Variants in MYO9B observed in about 807,000 individuals in gnomAD.
MYO9B encodes unconventional myosin-IXb.
A neutral mutation model predicts 229.5 loss-of-function variants in MYO9B; 71 were observed. That is an observed-to-expected ratio of 0.31 (90% CI 0.26 to 0.38). The LOEUF is 0.38. MYO9B is among the 10% of genes least tolerant of loss of function. MYO9B has a pLI of 1.00. For missense variants in MYO9B, 2,255 were observed against 2,920.5 expected, an observed-to-expected ratio of 0.77 and a Z score of 5.25; for synonymous variants, 1,185 against 1,235.8, an observed-to-expected ratio of 0.96 and a Z score of 0.86.
In MYO9B at chr19:17,186,003, T is replaced by C; in HGVS notation, c.2577+2T>C. 6.2e-7 allele frequency: 1 copy of C among 1,613,182 alleles called. No homozygotes were observed. The highest frequency in any genetic ancestry group is 1.3e-5 in the African/African-American group (1 of 74,944). ...TGCATCCGTTCCAATGCTGAAAAGG[T>C]GAGTTTCTCTAAGGTGTTTGGGAGG... On this transcript the variant is annotated splice_donor_variant, in intron 18 of 39. Coordinates refer to ENST00000682292, the MANE Select transcript of MYO9B (RefSeq NM_004145.4). LOFTEE classifies it high-confidence loss of function.
chr19:17,103,118 A>G (rs1157402360), intron 2 of MYO9B: 2 of 151,850 alleles, frequency 1.3e-5, no homozygotes, highest in Non-Finnish European at 2.9e-5. Flanking sequence ...GCTATTGGAG[A>G]GGCTAAGGCG....
intron 1 of MYO9B, among the ~76,000 whole-genome samples, chr19:17,096,316 A>G (rs1477791353): frequency 6.6e-6 from 1 of 152,138 alleles, no homozygotes; most frequent in East Asian, 1.9e-4. Context: ...GGGGAATTGC[A>G]GGGTCACGTG....
chr19:17,199,871 G>GTT (rs1243083069), intron 24 of MYO9B, among the ~76,000 whole-genome samples: 165 of 138,692 alleles, frequency 1.2e-3, no homozygotes, highest in African/African-American at 4.1e-3. Flanking sequence ...TTTGTTTTTT[G>GTT]TTTTTTTTTT....
At position 17,184,938 on chromosome 19, in the gene MYO9B, T is replaced by C. The variant is rs769040830; in HGVS notation, c.2447T>C (p.Leu816Pro). 1.2e-6 allele frequency: 2 copies of C among 1,613,946 alleles called. No individual in the cohort carries two copies. Among genetic ancestry groups the C allele is most frequent in the Non-Finnish European group, 1.7e-6 (2 of 1,179,860 alleles). The change falls in exon 17 of 40, where the codon CTG becomes CCG. Residue 816 changes from leucine (L) to proline (P), a missense_variant. Leu to Pro is a moderately conservative substitution (Grantham distance 98). Transcript: ENST00000682292. ...TLHDRTTKSLLHLHKKKKPPS... is the reference protein window; with the variant it reads ...TLHDRTTKSLPHLHKKKKPPS... ...CACGACCGCACCACCAAGTCCCTAC[T>C]GCACCTGCACAAGAAGAAAAAGCCA... is the stretch of plus-strand genomic sequence containing the variant.
In MYO9B at chr19:17,183,845, AAAC is replaced by A; in HGVS notation, c.2353_2355del (p.Gln785del). On this transcript the variant is annotated inframe_deletion, in exon 16 of 40. Coordinates refer to ENST00000682292, the MANE Select transcript of MYO9B (RefSeq NM_004145.4). ...TTTTGACAGGAAAAGTAAAGGTATCAAACAAAAGCAGATCATTCCAAAGGTAAA... is the reference window on the plus strand; with the variant it reads ...TTTTGACAGGAAAAGTAAAGGTATCAAAAAGCAGATCATTCCAAAGGTAAA... 1 of 1,574,632 alleles carries A rather than the reference AAAC, an allele frequency of 6.4e-7. No homozygotes were observed. The highest frequency in any genetic ancestry group is 8.6e-7 in the Non-Finnish European group (1 of 1,163,154).
chr19:17,181,081 C>T (rs545566786), intron 15 of MYO9B, 41 bp downstream of exon 15: 29 of 1,421,170 alleles, frequency 2.0e-5, no homozygotes, highest in African/African-American at 7.1e-5. Flanking sequence ...GTGCGACAAC[C>T]GCCTCCCACT....
intron 2 of MYO9B, among the ~76,000 whole-genome samples, chr19:17,137,786 G>A (rs553918208): frequency 6.6e-6 from 1 of 151,730 alleles, no homozygotes; most frequent in Admixed American, 6.6e-5. Context: ...CTCTGTCGCC[G>A]AGGCTGGAGT....
At position 17,183,860 on chromosome 19, in the gene MYO9B, A is replaced by G; in HGVS notation, c.2365A>G (p.Ile789Val). The change falls in exon 16 of 40, where the codon ATT (isoleucine) becomes GTT (valine). Residue 789 changes from isoleucine (I) to valine (V), a missense_variant. Physicochemically the swap from Ile to Val is conservative, Grantham distance 29 (BLOSUM62 3). This residue lies in a region of MYO9B where 155 missense variants were observed against 159.1 expected (regional missense o/e 0.97). Transcript: ENST00000682292. ...KSKGIKQKQI[I>V]PKNLLDSKSL... The stretch of plus-strand genomic sequence containing the variant: ...TAAAGGTATCAAACAAAAGCAGATC[A>G]TTCCAAAGGTAAAAAAAAAAACACA... 1 of 1,576,012 alleles carries G rather than the reference A, an allele frequency of 6.3e-7. No homozygotes were observed.
intron 2 of MYO9B, 96 bp from the exon 3 acceptor site, chr19:17,145,301 A>G: frequency 8.8e-7 from 1 of 1,133,542 alleles, no homozygotes; most frequent in East Asian, 2.4e-5. Context: ...AAATTGAACA[A>G]TACAAAATAT....
intron 4 of MYO9B, among the ~76,000 whole-genome samples, chr19:17,153,435 C>T (rs1280594980): frequency 6.6e-6 from 1 of 151,028 alleles, no homozygotes; most frequent in African/African-American, 2.4e-5. Flanking sequence ...ACCTGTAATC[C>T]CAGCACTTTG....
In MYO9B at chr19:17,206,795, C is replaced by A; in HGVS notation, c.5492+11C>A. On this transcript the variant is annotated intron_variant, in intron 34 of 39. Transcript: ENST00000682292. ...CTTCCACCTTGTCAAGCAAGTGCCT[C>A]CCCACCTGCCCTCTGTGGGGTTAGG... 1 of 1,557,616 alleles carries A rather than the reference C, an allele frequency of 6.4e-7. No homozygotes were observed.
rs1426275981 is a variant in MYO9B, at chr19:17,101,821, G to A, written c.104G>A (p.Arg35His). 11 of 1,608,904 alleles carry A rather than the reference G, an allele frequency of 6.8e-6. No homozygotes were observed. The highest frequency in any genetic ancestry group is 1.7e-4 in the Middle Eastern group (1 of 6,058). Reference sequence around the variant, plus strand: ...ACCACCGAGAGCCAGGCCTCGTGCCGCGTGACTGCCACCAAGGACAGCACC... The same window carrying A: ...ACCACCGAGAGCCAGGCCTCGTGCCACGTGACTGCCACCAAGGACAGCACC... ...LSTTESQASC[R>H]VTATKDSTTS... Residue 35 changes from arginine (R) to histidine (H), a missense_variant, in exon 2 of 40, where the codon CGC becomes CAC. Physicochemically the swap from Arg to His is conservative, Grantham distance 29. This residue lies in a region of MYO9B where 386 missense variants were observed against 515.2 expected (regional missense o/e 0.75). Coordinates refer to ENST00000682292, the MANE Select transcript of MYO9B (RefSeq NM_004145.4). This position sits in a 1 kb window ranked among gnomAD's most constrained non-coding sequence, Gnocchi z 4.7.
At chr19:17,085,314 G>A (rs115023487) in intron 1 of MYO9B, among the ~76,000 whole-genome samples, 498 of 152,274 alleles carry the variant, frequency 3.3e-3, no homozygotes, top group African/African-American at 0.011. Context: ...TCTGAAGGCC[G>A]CAAGGGCTGG....
chr19:17,102,103 C>G lies in MYO9B; in HGVS notation c.386C>G (p.Ala129Gly), dbSNP rs2057750593. The change falls in exon 2 of 40, where the codon GCC becomes GGC. Residue 129 changes from alanine (A) to glycine (G), a missense_variant. Transcript: ENST00000682292. ...KYVHMQLVAQ[A>G]TATRRLVERG... is the part of the protein sequence containing the mutation. ...GTGCATATGCAGCTGGTGGCGCAGG[C>G]CACAGCCACCCGGCGCCTAGTGGAG... 6.2e-7 allele frequency: 1 copy of G among 1,613,178 alleles called. No individual in the cohort carries two copies. The highest frequency in any genetic ancestry group is 1.1e-5 in the South Asian group (1 of 91,086).
chr19:17,155,322 G>T (rs1428189505), intron 6 of MYO9B, among the ~76,000 whole-genome samples: 1 of 151,916 alleles, frequency 6.6e-6, no homozygotes, highest in Non-Finnish European at 1.5e-5. Flanking sequence ...CCAAGCAGCT[G>T]GGACTACAGG....
chr19:17,204,398 G>A (rs1275012235), intron 30 of MYO9B, among the ~76,000 whole-genome samples: 1 of 149,606 alleles, frequency 6.7e-6, no homozygotes, highest in Non-Finnish European at 1.5e-5. Context: ...GGGACTTGGG[G>A]CAAGGATGTC....
At chr19:17,178,653 G>A (rs2072818148) in intron 14 of MYO9B, among the ~76,000 whole-genome samples, 1 of 152,130 alleles carries the variant, frequency 6.6e-6, no homozygotes, top group Admixed American at 6.6e-5. Flanking sequence ...GCACCTCCGC[G>A]TGCGTGCTCA....
intron 7 of MYO9B, 84 bp from the exon 8 acceptor site, chr19:17,159,311 G>C (rs76119849): frequency 7.7e-7 from 1 of 1,299,274 alleles, no homozygotes; most frequent in Non-Finnish European, 1.1e-6. Context: ...CTCAGGCTCC[G>C]GGCGTTGCCT....
chr19:17,208,907 GTA>G (rs1410378653), intron 35 of MYO9B, among the ~76,000 whole-genome samples: 67 of 45,082 alleles, frequency 1.5e-3, no homozygotes, highest in African/African-American at 6.8e-3. Context: ...AGTCCCTCTG[GTA>G]CTGGCCACTC....
Sources: gnomAD v4.1 joint callset for allele counts (sites outside exome capture counted in the v4.1 genomes callset) on GRCh38, gnomAD v4.1.1 for gene constraint, gnomAD v4.1.1 regional missense constraint, Gnocchi (gnomAD v3.1) non-coding constraint, MANE v1.5 for transcripts, NCBI Gene and HGNC (gene_info 2026-07-23, HGNC 2026-07-21) for gene names.